The following PARP1 variants were observed in gnomAD, a reference collection of about 807,000 sequenced individuals.
The protein encoded by PARP1 is poly(ADP-ribose) polymerase 1.
PARP1 carries 44 observed loss-of-function variants against 118.7 expected under a neutral mutation model. The observed-to-expected ratio is 0.37, with a 90% confidence interval of 0.29 to 0.48. The LOEUF (loss-of-function observed/expected upper bound fraction) is 0.48, where lower values mean the gene tolerates loss of function less well. Among genes scored for constraint, PARP1 ranks in the 20% least tolerant of loss-of-function variants. The pLI, the probability that PARP1 is intolerant of heterozygous loss-of-function variation, is 0.99. For missense variants in PARP1, 1,100 were observed against 1,272.4 expected (o/e 0.86, Z 2.06); for synonymous variants, 492 against 483.2 (o/e 1.02, Z -0.24).
At chr1:226,393,219 A>G (rs1463719371) in intron 2 of PARP1, among the ~76,000 whole-genome samples, 1 of 152,238 alleles carries the variant, frequency 6.6e-6, no homozygotes, top group African/African-American at 2.4e-5. Context: ...AGGCAAGGAC[A>G]CTGGTATTTA....
At chr1:226,370,682 C>T (rs1264735273) in intron 14 of PARP1, 165 bp from the exon 15 acceptor site, 9 of 678,890 alleles carry the variant, frequency 1.3e-5, no homozygotes, top group Non-Finnish European at 2.2e-5. Context: ...TGTAGCCCCA[C>T]CCCACCATGA....
Position 226,370,508 on chromosome 1 carries a change from G to C in PARP1, c.2080C>G (p.Gln694Glu). 1 of 1,613,624 alleles carries C rather than the reference G, an allele frequency of 6.2e-7. No homozygotes were observed. The highest frequency in any genetic ancestry group is 8.5e-7 in the Non-Finnish European group (1 of 1,179,586). ...KAMVEYEIDL[Q>E]KMPLGKLSKR... ...CTCAGCTTCCCCAAGGGCATCTTCT[G>C]AAGGTCGATCTGAGGAGACAGGGGA... is the stretch of plus-strand genomic sequence containing the variant. The change falls in exon 15 of 23, where the codon CAG becomes GAG. Residue 694 changes from glutamine to glutamate, a missense_variant. By Grantham distance (29) the Gln-to-Glu change is conservative. Transcript: ENST00000366794.
At chr1:226,399,943 C>T (rs1338872102) in intron 2 of PARP1, among the ~76,000 whole-genome samples, 1 of 152,068 alleles carries the variant, frequency 6.6e-6, no homozygotes, top group African/African-American at 2.4e-5. Flanking sequence ...GCGGAGCTTA[C>T]GGTGAGCCGA....
At chr1:226,368,724 C>T (rs1664321371) in intron 15 of PARP1, among the ~76,000 whole-genome samples, 1 of 152,030 alleles carries the variant, frequency 6.6e-6, no homozygotes, top group Admixed American at 6.5e-5. Context: ...GAGGAGGTTG[C>T]CCATCGCTAT....
chr1:226,392,828 G>C, intron 2 of PARP1: 2 of 1,048,942 alleles, frequency 1.9e-6, no homozygotes, highest in East Asian at 5.5e-5. Context: ...TCAATAAAGA[G>C]TTCTGGGGAT....
At chr1:226,387,938 GA>G (rs1407838307) in intron 5 of PARP1, among the ~76,000 whole-genome samples, 1 of 152,150 alleles carries the variant, frequency 6.6e-6, no homozygotes, top group Admixed American at 6.5e-5. Context: ...AACCATATCA[GA>G]AACTGCTTTT....
At chr1:226,393,765 C>T (rs1203416013) in intron 2 of PARP1, among the ~76,000 whole-genome samples, 4 of 152,150 alleles carry the variant, frequency 2.6e-5, no homozygotes, top group Middle Eastern at 3.2e-3. Context: ...TATAACTCAA[C>T]GGGGTCTATG....
rs114243632 is a variant in PARP1 at position 226,403,791 on chromosome 1, T to C, written c.121-1412A>G. On this transcript the variant is annotated intron_variant, in intron 1 of 22. Coordinates refer to ENST00000366794, the MANE Select transcript of PARP1 (RefSeq NM_001618.4). ...ACTAAAGTAAGGGAAGTCCCAAACA[T>C]CTGCTTTTATAGAACATAAAGCTAA... Among the ~76,000 whole-genome samples the C allele has an allele frequency of 3.2e-3, 485 of 152,322 alleles. 1 individual carries two copies. Among genetic ancestry groups the C allele is most frequent in the Middle Eastern group, 0.017 (5 of 294 alleles).
At chr1:226,403,216 G>C (rs868861141) in intron 1 of PARP1, among the ~76,000 whole-genome samples, 10 of 152,204 alleles carry the variant, frequency 6.6e-5, no homozygotes, top group African/African-American at 2.2e-4. Flanking sequence ...TTTTGAGACC[G>C]AGTCTTGCAC....
Position 226,407,843 on chromosome 1 carries a change from G to T in PARP1, c.87C>A (p.Pro29=), listed in dbSNP as rs1256683902. 1 of 1,598,136 alleles carries T rather than the reference G, an allele frequency of 6.3e-7. No individual in the cohort carries two copies. The highest frequency in any genetic ancestry group is 1.7e-5 in the Admixed American group (1 of 57,250). ...ASCKKCSESI[P]KDSLRMAIMV... ...TGATGGCCATCCGGAGCGAGTCCTT[G>T]GGGATGCTCTCGCTGCATTTCTTGC... The change falls in exon 1 of 23, where the codon CCC becomes CCA. Residue 29 remains proline (P), a synonymous_variant. Transcript: ENST00000366794.
At position 226,370,427 on chromosome 1, in the gene PARP1, T is replaced by G. The variant is rs370279480; in HGVS notation, c.2154+7A>C. 3 of 1,611,394 alleles carry G rather than the reference T, an allele frequency of 1.9e-6. No homozygotes were observed. Among genetic ancestry groups the G allele is most frequent in the African/African-American group, 2.7e-5 (2 of 74,872 alleles). ...TTCCAGGAGGCCCCTGGTAGCCCTGTGCTTACCTGCTGGACCTCACTGAGG... is the reference window on the plus strand; with the variant it reads ...TTCCAGGAGGCCCCTGGTAGCCCTGGGCTTACCTGCTGGACCTCACTGAGG... On this transcript the variant is annotated splice_region_variant and intron_variant, in intron 15 of 22. Coordinates refer to ENST00000366794, the MANE Select transcript of PARP1 (RefSeq NM_001618.4).
intron 2 of PARP1, 99 bp downstream of exon 2, chr1:226,402,115 G>A (rs1295674562): frequency 1.9e-6 from 3 of 1,606,030 alleles, no homozygotes; most frequent in Non-Finnish European, 2.6e-6. Flanking sequence ...TGTGGGAGAG[G>A]GCAAGCTGGG....
chr1:226,396,511 T>C (rs1160054132), intron 2 of PARP1, among the ~76,000 whole-genome samples: 1 of 152,028 alleles, frequency 6.6e-6, no homozygotes, highest in Non-Finnish European at 1.5e-5. Context: ...AGCAAATTAG[T>C]ATTTTCTATG....
chr1:226,376,634 G>A (rs577005458), intron 13 of PARP1, among the ~76,000 whole-genome samples: 2 of 152,276 alleles, frequency 1.3e-5, no homozygotes, highest in Non-Finnish European at 2.9e-5. Context: ...ATACTTCAAG[G>A]TGTTGACTGT....
At position 226,377,277 on chromosome 1, in the gene PARP1, C is replaced by T. The variant is rs377397890; in HGVS notation, c.1772G>A (p.Arg591His). The change falls in exon 13 of 23, where the codon CGT becomes CAT. Residue 591 changes from arginine (R) to histidine (H), a missense_variant. By Grantham distance (29) the Arg-to-His change is conservative. Transcript: ENST00000366794. ...GTTGCTACCGATCACCGTACCCACA[C>T]GGCCCCAGGACCTGAATATCCAATA... is the stretch of plus-strand genomic sequence containing the variant. ...NRYWIFRSWG[R>H]VGTVIGSNKL... 2.4e-5 allele frequency: 38 copies of T among 1,613,854 alleles called. No individual in the cohort carries two copies. Among genetic ancestry groups the T allele is most frequent in the African/African-American group, 2.7e-5 (2 of 74,916 alleles).
In PARP1 at chr1:226,383,246, CAA is replaced by C. The variant is rs1664655378; in HGVS notation, c.1012-65_1012-64del. On this transcript the variant is annotated intron_variant, in intron 7 of 22. Transcript: ENST00000366794. ...CCCTTGAGGTAACCACCCCATAGAC[CAA>C]AGAGGATTTGGCTTGTCCAAATCAA... The C allele has an allele frequency of 3.7e-6, 5 of 1,336,346 alleles. No homozygotes were observed. In the South Asian group the frequency reaches 4.8e-5, roughly 13 times the overall value. 82.8% of individuals were successfully genotyped at this position (1,336,346 alleles called of 1,614,324 possible).
chr1:226,384,442 T>C (rs554302323), intron 7 of PARP1, among the ~76,000 whole-genome samples: 8 of 152,238 alleles, frequency 5.3e-5, no homozygotes, highest in Non-Finnish European at 1.2e-4. Context: ...GACCAAAAAC[T>C]TGTCTCGCAC....
At chr1:226,384,090 T>C (rs1273375321) in intron 7 of PARP1, among the ~76,000 whole-genome samples, 2 of 152,200 alleles carry the variant, frequency 1.3e-5, no homozygotes, top group Non-Finnish European at 2.9e-5. Context: ...AGACAGGGAA[T>C]GCTAGCATGC....
chr1:226,368,343 G>A, intron 15 of PARP1, 22 bp from the exon 16 acceptor site: 1 of 1,614,028 alleles, frequency 6.2e-7, no homozygotes, highest in East Asian at 2.2e-5. Flanking sequence ...GGGACAGAAG[G>A]AATGCAAGAC....
Sources: gnomAD v4.1 joint callset for allele counts (sites outside exome capture counted in the v4.1 genomes callset) on GRCh38, gnomAD v4.1.1 for gene constraint, MANE v1.5 for transcripts, NCBI Gene and HGNC (gene_info 2026-07-23, HGNC 2026-07-21) for gene names.